Variants in EGFR observed in about 807,000 individuals in gnomAD.
EGFR encodes the protein avian erythroblastic leukemia viral (v-erb-b) oncogene homolog.
In EGFR, 58 loss-of-function variants were observed where a neutral mutation model predicts 143.0. The observed-to-expected ratio is 0.41, with a 90% CI of 0.33 to 0.50. EGFR has a LOEUF of 0.50. Ranked by LOEUF, EGFR falls within the 20% of genes least tolerant of loss-of-function variation. The pLI, the probability that EGFR is intolerant of heterozygous loss-of-function variation, is 0.39. For synonymous variants in EGFR, 613 were observed against 594.4 expected, an observed-to-expected ratio of 1.03 and a Z score of -0.45; for missense variants, 1,307 against 1,579.0, an observed-to-expected ratio of 0.83 and a Z score of 2.92.
At chr7:55,100,456 C>T (rs1791743061) in intron 1 of EGFR, among the ~76,000 whole-genome samples, 1 of 152,238 alleles carries the variant, frequency 6.6e-6, no homozygotes. Context: ...TGGGTGCAGC[C>T]TCTGAGGTGG....
intron 22 of EGFR, among the ~76,000 whole-genome samples, chr7:55,196,531 C>A (rs934828481): frequency 6.6e-6 from 1 of 152,036 alleles, no homozygotes; most frequent in African/African-American, 2.4e-5. Flanking sequence ...TAGTTAGATC[C>A]CATTTGTCAA....
chr7:55,082,842 G>A (rs1427028857), intron 1 of EGFR, among the ~76,000 whole-genome samples: 1 of 152,198 alleles, frequency 6.6e-6, no homozygotes, highest in Admixed American at 6.5e-5. Flanking sequence ...TGTCAGTAGA[G>A]TCTCTCTCTC....
intron 1 of EGFR, among the ~76,000 whole-genome samples, chr7:55,089,025 C>T (rs1790939696): frequency 6.6e-6 from 1 of 152,168 alleles, no homozygotes; most frequent in Non-Finnish European, 1.5e-5. Flanking sequence ...AAGAATCCTT[C>T]CAGCATTTTT....
At chr7:55,055,632 A>T (rs1788761007) in intron 1 of EGFR, among the ~76,000 whole-genome samples, 1 of 151,534 alleles carries the variant, frequency 6.6e-6, no homozygotes, top group Admixed American at 6.6e-5. Flanking sequence ...CTACGAACTG[A>T]CTCACACTGA....
intron 1 of EGFR, among the ~76,000 whole-genome samples, chr7:55,042,065 T>C (rs1787928747): frequency 6.6e-6 from 1 of 152,234 alleles, no homozygotes; most frequent in African/African-American, 2.4e-5. Context: ...GTCAGAGTAA[T>C]ATATGATCTT....
chr7:55,116,358 C>G (rs1792842981), intron 1 of EGFR, among the ~76,000 whole-genome samples: 1 of 152,158 alleles, frequency 6.6e-6, no homozygotes, highest in Admixed American at 6.5e-5. Flanking sequence ...CACCAAGCAC[C>G]CCACTTTTTG....
chr7:55,083,275 C>T (rs1790567015), intron 1 of EGFR, among the ~76,000 whole-genome samples: 2 of 152,382 alleles, frequency 1.3e-5, no homozygotes, highest in South Asian at 2.1e-4. Context: ...TCACCAGCAT[C>T]GCTGACAGCC....
In EGFR at chr7:55,211,492, A is replaced by C. The variant is rs1205836358; in HGVS notation, c.*5875A>C. ...AGTATTTGTACAAATGAAAAGCAGA[A>C]TTCTCTTTTATATGGTTTATACTGT... On this transcript the variant is annotated 3_prime_UTR_variant, in exon 28 of 28. Transcript: ENST00000275493. 2.0e-5 allele frequency: 3 copies of C among 152,240 alleles called. No homozygotes were observed. The highest frequency in any genetic ancestry group is 4.4e-5 in the Non-Finnish European group (3 of 68,050). The allele number at this position is 152,240 out of a possible 1,614,324, so 9.4% of individuals were successfully genotyped here.
intron 22 of EGFR, among the ~76,000 whole-genome samples, chr7:55,194,252 A>T (rs1307747759): frequency 7.0e-6 from 1 of 143,496 alleles, no homozygotes; most frequent in East Asian, 2.0e-4. Flanking sequence ...TTTGAGACAG[A>T]GTCTTGCCCT....
At position 55,155,964 on chromosome 7, in the gene EGFR, G is replaced by A. The variant is rs1785394289; in HGVS notation, c.1006+18G>A. 6.3e-7 allele frequency: 1 copy of A among 1,590,196 alleles called. No homozygotes were observed. The highest frequency in any genetic ancestry group is 1.3e-5 in the African/African-American group (1 of 74,426). The stretch of plus-strand genomic sequence containing the variant: ...CCGCAAAGGTAGGAAGCCCGCCGGT[G>A]TGCGGACGAGGCTTGTTCTCGGCTG... On this transcript the variant is annotated intron_variant, in intron 8 of 27. Coordinates refer to ENST00000275493, the MANE Select transcript of EGFR (RefSeq NM_005228.5).
intron 7 of EGFR, 74 bp from the exon 8 acceptor site, chr7:55,155,756 A>C (rs1584177193): frequency 8.8e-7 from 1 of 1,139,368 alleles, no homozygotes; most frequent in Non-Finnish European, 1.3e-6. Context: ...CCTCAAGAGG[A>C]CCTGGACCGC....
At position 55,019,242 on chromosome 7, in the gene EGFR, TC is replaced by T; in HGVS notation, c.-35del. The T allele has an allele frequency of 6.9e-7, 1 of 1,452,828 alleles. No homozygotes were observed. 90.0% of individuals were successfully genotyped at this position (1,452,828 alleles called of 1,614,324 possible). On this transcript the variant is annotated 5_prime_UTR_variant, in exon 1 of 28. The change creates a new upstream start codon in the 5' untranslated region. Transcript: ENST00000275493. The stretch of plus-strand genomic sequence containing the variant: ...GCCCCCTGACTCCGTCCAGTATTGA[TC>T]GGGAGAGCCGGAGCGAGCTCTTCGG...
At chr7:55,152,943 C>A (rs182618476) in intron 6 of EGFR, among the ~76,000 whole-genome samples, 1 of 152,216 alleles carries the variant, frequency 6.6e-6, no homozygotes, top group African/African-American at 2.4e-5. Context: ...TGATGAGATG[C>A]CTGTGATGTC....
At chr7:55,053,964 T>G (rs1788639887) in intron 1 of EGFR, among the ~76,000 whole-genome samples, 1 of 151,768 alleles carries the variant, frequency 6.6e-6, no homozygotes, top group African/African-American at 2.4e-5. Context: ...TGAGGAAGAG[T>G]TTTCATTTTC....
At chr7:55,089,120 T>C (rs1790946713) in intron 1 of EGFR, among the ~76,000 whole-genome samples, 1 of 152,206 alleles carries the variant, frequency 6.6e-6, no homozygotes, top group African/African-American at 2.4e-5. Flanking sequence ...ATATATGAGC[T>C]TATGTCATTC....
At chr7:55,104,427 C>A (rs1441525005) in intron 1 of EGFR, among the ~76,000 whole-genome samples, 1 of 152,210 alleles carries the variant, frequency 6.6e-6, no homozygotes, top group Non-Finnish European at 1.5e-5. Context: ...GGCCGGGTTT[C>A]AGTCCTGCCC....
chr7:55,053,832 G>A (rs1235290281), intron 1 of EGFR, among the ~76,000 whole-genome samples: 7 of 152,232 alleles, frequency 4.6e-5, no homozygotes, highest in East Asian at 1.9e-4. Context: ...TGAATCACCT[G>A]AGCTCACATT....
At position 55,168,549 on chromosome 7, in the gene EGFR, TTTAGTCTCCCACTAAAA is replaced by T. The variant is rs553189276; in HGVS notation, c.1881-2625_1881-2609del. 4.4e-4 allele frequency: 716 copies of T among 1,610,690 alleles called. 4 individuals carry two copies. In the African/African-American group the frequency reaches 6.4e-3, roughly 14 times the overall value. ...TCCTAATAAATCTTCACTGTCTGAC[TTTAGTCTCCCACTAAAA>T]CTGCATTTCCTTTCTACAATTTCAA... is the stretch of plus-strand genomic sequence containing the variant. On this transcript the variant is annotated intron_variant, in intron 15 of 27. Transcript: ENST00000275493.
At chr7:55,086,094 G>A (rs1385435781) in intron 1 of EGFR, among the ~76,000 whole-genome samples, 1 of 152,108 alleles carries the variant, frequency 6.6e-6, no homozygotes, top group African/African-American at 2.4e-5. Context: ...CCCGTGCCGT[G>A]CAATTTTTGT....
Sources: allele counts gnomAD v4.1 joint callset (sites outside exome capture counted in the v4.1 genomes callset), GRCh38; gene constraint gnomAD v4.1.1; transcripts MANE v1.5; gene names NCBI Gene and HGNC (gene_info 2026-07-23, HGNC 2026-07-21).